EPHA7: variants seen among roughly 807,000 people sequenced by gnomAD.
EPHA7 encodes ephrin type-A receptor 7.
In EPHA7, 25 loss-of-function variants were observed where a neutral mutation model predicts 112.6. That is an observed-to-expected ratio of 0.22 (90% confidence interval 0.16 to 0.31). The LOEUF (loss-of-function observed/expected upper bound fraction) is 0.31, where lower values mean the gene tolerates loss of function less well. EPHA7 is among the 10% of genes least tolerant of loss of function. The pLI, the probability that EPHA7 is intolerant of heterozygous loss-of-function variation, is 1.00. For synonymous variants in EPHA7, 437 were observed against 406.5 expected (o/e 1.07, Z -0.90); for missense variants, 962 against 1,212.6 (o/e 0.79, Z 3.07).
At chr6:93,277,307 A>T (rs1771516173) in intron 5 of EPHA7, among the ~76,000 whole-genome samples, 1 of 152,176 alleles carries the variant, frequency 6.6e-6, no homozygotes, top group Non-Finnish European at 1.5e-5. Context: ...TTAAATAATG[A>T]AATACTTGGC....
At chr6:93,301,828 C>T (rs191838906) in intron 5 of EPHA7, among the ~76,000 whole-genome samples, 1 of 152,280 alleles carries the variant, frequency 6.6e-6, no homozygotes, top group East Asian at 1.9e-4. Context: ...CTACCCAGTA[C>T]TCCCAAGTCA....
At chr6:93,397,710 G>A (rs1012217412) in intron 3 of EPHA7, among the ~76,000 whole-genome samples, 10 of 151,774 alleles carry the variant, frequency 6.6e-5, no homozygotes, top group South Asian at 4.1e-4. Flanking sequence ...AATAATAACC[G>A]TGCCCTTTAG....
At chr6:93,311,114 A>ATTTTTTTTTTTGTTTTTTT (rs1773515309) in intron 5 of EPHA7, among the ~76,000 whole-genome samples, 1 of 78,526 alleles carries the variant, frequency 1.3e-5, no homozygotes, top group African/African-American at 5.9e-5. Flanking sequence ...ATGCCCAGCT[A>ATTTTTTTTTTTGTTTTTTT]TTTTTTTTTT....
chr6:93,377,949 T>C (rs1011932592), intron 3 of EPHA7, among the ~76,000 whole-genome samples: 6 of 152,124 alleles, frequency 3.9e-5, no homozygotes, highest in African/African-American at 1.4e-4. Context: ...CAGACACAGT[T>C]CCTGCCCTCA....
intron 5 of EPHA7, among the ~76,000 whole-genome samples, chr6:93,332,159 C>T (rs1774626135): frequency 6.6e-6 from 1 of 151,490 alleles, no homozygotes; most frequent in South Asian, 2.1e-4. Context: ...CAGTGAAGCT[C>T]AATTGCTTGT....
chr6:93,278,043 T>C (rs1323036434), intron 5 of EPHA7, among the ~76,000 whole-genome samples: 1 of 152,064 alleles, frequency 6.6e-6, no homozygotes, highest in African/African-American at 2.4e-5. Context: ...AAGGCAGCGA[T>C]TGTAAAAATG....
At chr6:93,367,924 T>C (rs574682763) in intron 3 of EPHA7, among the ~76,000 whole-genome samples, 7 of 152,110 alleles carry the variant, frequency 4.6e-5, no homozygotes, top group Admixed American at 6.6e-5. Flanking sequence ...TCTGAACCAC[T>C]TTCCCTATTC....
At chr6:93,416,170 T>G (rs1457059258) in intron 1 of EPHA7, among the ~76,000 whole-genome samples, 1 of 152,210 alleles carries the variant, frequency 6.6e-6, no homozygotes, top group Non-Finnish European at 1.5e-5. Flanking sequence ...AAATGCCAAT[T>G]TGAATTTCAA....
chr6:93,349,893 A>G (rs1775605570), intron 5 of EPHA7, among the ~76,000 whole-genome samples: 1 of 151,936 alleles, frequency 6.6e-6, no homozygotes, highest in African/African-American at 2.4e-5. Context: ...ATGTGAGTGA[A>G]GCTACTTCTG....
At chr6:93,367,805 G>A (rs1407598857) in intron 3 of EPHA7, among the ~76,000 whole-genome samples, 1 of 152,052 alleles carries the variant, frequency 6.6e-6, no homozygotes. Context: ...TTAGTATGCT[G>A]CCTGGCATAG....
chr6:93,348,881 G>T (rs564149281), intron 5 of EPHA7, among the ~76,000 whole-genome samples: 11 of 38,578 alleles, frequency 2.9e-4, no homozygotes, highest in African/African-American at 8.8e-4. Flanking sequence ...CAAAGGTACC[G>T]CCATTTTCCC....
intron 5 of EPHA7, among the ~76,000 whole-genome samples, chr6:93,332,523 T>G (rs1774647107): frequency 1.3e-5 from 2 of 148,552 alleles, no homozygotes; most frequent in Non-Finnish European, 3.0e-5. Context: ...TTATAGGAAC[T>G]CAATTATAAT....
At chr6:93,312,776 A>C (rs1773606658) in intron 5 of EPHA7, among the ~76,000 whole-genome samples, 1 of 152,258 alleles carries the variant, frequency 6.6e-6, no homozygotes, top group Non-Finnish European at 1.5e-5. Flanking sequence ...CTTTTGATTT[A>C]AAGTGAGAGA....
chr6:93,375,631 TAA>T (rs34778411), intron 3 of EPHA7, among the ~76,000 whole-genome samples: 1 of 131,736 alleles, frequency 7.6e-6, no homozygotes, highest in Non-Finnish European at 1.7e-5. Flanking sequence ...AAGCCTGAAT[TAA>T]AAAAAAAAAA....
intron 3 of EPHA7, among the ~76,000 whole-genome samples, chr6:93,405,102 G>T (rs1315538194): frequency 6.6e-6 from 1 of 151,774 alleles, no homozygotes; most frequent in African/African-American, 2.4e-5. Flanking sequence ...CAGAACAAAA[G>T]ATCACCCACA....
chr6:93,339,866 T>A (rs1405745697), intron 5 of EPHA7, among the ~76,000 whole-genome samples: 3 of 151,794 alleles, frequency 2.0e-5, no homozygotes, highest in Non-Finnish European at 3.0e-5. Flanking sequence ...TCCTAAATAC[T>A]AAACTGGACC....
chr6:93,351,850 C>A (rs1006771526), intron 5 of EPHA7, among the ~76,000 whole-genome samples: 2 of 151,958 alleles, frequency 1.3e-5, no homozygotes, highest in African/African-American at 2.4e-5. Flanking sequence ...AGTAACACAC[C>A]TTTTTATTCT....
intron 5 of EPHA7, among the ~76,000 whole-genome samples, chr6:93,332,483 C>T (rs1053565722): frequency 1.3e-5 from 2 of 151,434 alleles, no homozygotes; most frequent in South Asian, 2.1e-4. Flanking sequence ...TCTCTCTTTG[C>T]TAAGTGGCTT....
At chr6:93,333,997 G>C (rs1458278787) in intron 5 of EPHA7, among the ~76,000 whole-genome samples, 2 of 151,754 alleles carry the variant, frequency 1.3e-5, no homozygotes, top group Non-Finnish European at 2.9e-5. Flanking sequence ...GACAATTCTA[G>C]GCATCATGTT....
Sources: allele counts gnomAD v4.1 joint callset (sites outside exome capture counted in the v4.1 genomes callset), GRCh38; gene constraint gnomAD v4.1.1; transcripts MANE v1.5; gene names NCBI Gene and HGNC (gene_info 2026-07-23, HGNC 2026-07-21).